The following CMSS1 variants were observed in gnomAD, a reference collection of about 807,000 sequenced individuals.
CMSS1 encodes the protein protein CMSS1.
Under a neutral mutation model 43.5 loss-of-function variants are expected in CMSS1, and 33 were observed. The observed-to-expected ratio is 0.76, with a 90% confidence interval of 0.57 to 1.01. CMSS1 has a LOEUF of 1.01. CMSS1 is among the 50% of genes least tolerant of loss of function. The pLI is 0.00. For synonymous variants in CMSS1, 115 were observed against 117.2 expected (o/e 0.98, Z 0.12); for missense variants, 313 against 326.4 (o/e 0.96, Z 0.32).
chr3:100,023,197 C>T (rs2064856871), intron 1 of CMSS1: 1 of 151,810 alleles, frequency 6.6e-6, no homozygotes, highest in Non-Finnish European at 1.5e-5. Context: ...TTGTGTGTAT[C>T]CCCAATGCAG....
At chr3:99,905,038 C>T (rs749579727) in intron 1 of CMSS1, among the ~76,000 whole-genome samples, 4 of 152,232 alleles carry the variant, frequency 2.6e-5, no homozygotes, top group Non-Finnish European at 5.9e-5. Flanking sequence ...TCCTCTGCCA[C>T]TGCTCCATGC....
chr3:100,103,312 C>T (rs928390344), intron 1 of CMSS1, among the ~76,000 whole-genome samples: 4 of 152,150 alleles, frequency 2.6e-5, no homozygotes, highest in Admixed American at 6.5e-5. Context: ...ATGCAGAACC[C>T]GAAGTCTTGA....
chr3:100,078,260 A>G (rs894852889), intron 1 of CMSS1, among the ~76,000 whole-genome samples: 3 of 152,216 alleles, frequency 2.0e-5, no homozygotes, highest in Non-Finnish European at 2.9e-5. Flanking sequence ...TTATTGAAAT[A>G]AAACACCCTC....
intron 1 of CMSS1, among the ~76,000 whole-genome samples, chr3:99,823,054 A>T (rs1942470695): frequency 6.6e-6 from 1 of 152,218 alleles, no homozygotes; most frequent in Non-Finnish European, 1.5e-5. Context: ...CATTCTCATT[A>T]TCAGTGGTAA....
intron 1 of CMSS1, chr3:99,830,173 G>C: frequency 4.0e-6 from 1 of 247,504 alleles, no homozygotes; most frequent in South Asian, 5.5e-5. Context: ...ATTATATGTC[G>C]GATGAGGAAA....
At chr3:100,091,565 A>G (rs9849092) in intron 1 of CMSS1, among the ~76,000 whole-genome samples, 140,768 of 152,306 alleles carry the variant, frequency 0.92, 65,165 homozygotes, top group African/African-American at 0.98. Context: ...TCTGTCACCA[A>G]AAGTGTAGCC....
intron 1 of CMSS1, among the ~76,000 whole-genome samples, chr3:100,120,068 G>A (rs1338064800): frequency 6.6e-6 from 1 of 152,180 alleles, no homozygotes; most frequent in East Asian, 1.9e-4. Context: ...TTTAAAAAAT[G>A]AGGAAAACAT....
chr3:99,916,992 T>C (rs1706973773), intron 1 of CMSS1, among the ~76,000 whole-genome samples: 1 of 152,224 alleles, frequency 6.6e-6, no homozygotes, highest in African/African-American at 2.4e-5. Context: ...GGCAAAAATT[T>C]CTATTTTGAT....
In CMSS1 at chr3:99,832,105, T is replaced by G. The variant is rs145744825; in HGVS notation, c.64+14062T>G. On this transcript the variant is annotated intron_variant, in intron 1 of 9. Transcript: ENST00000421999. ...GAAGGTTACTGGGCTCCTACTTGTT[T>G]CTACACCATTGATGTGCAAGCTTTT... 4.6e-3 allele frequency among the ~76,000 whole-genome samples: 695 copies of G among 152,352 alleles called. 2 individuals are homozygous for G. Among genetic ancestry groups the G allele is most frequent in the South Asian group, 7.0e-3 (34 of 4,828 alleles).
intron 1 of CMSS1, among the ~76,000 whole-genome samples, chr3:99,842,247 A>G (rs1256212598): frequency 6.6e-6 from 1 of 152,158 alleles, no homozygotes. Flanking sequence ...AAAACCAAAC[A>G]TTGTATGTTC....
chr3:99,824,416 C>A (rs912606096), intron 1 of CMSS1, among the ~76,000 whole-genome samples: 8 of 152,200 alleles, frequency 5.3e-5, no homozygotes, highest in African/African-American at 1.7e-4. Context: ...AAATTAATTA[C>A]TTTTTCCCAG....
intron 1 of CMSS1, among the ~76,000 whole-genome samples, chr3:100,117,764 C>A (rs2066583061): frequency 7.4e-6 from 1 of 135,572 alleles, no homozygotes. Context: ...TTTTTTTTAC[C>A]ATCACAATAG....
chr3:100,152,974 C>G (rs979010769), intron 2 of CMSS1, among the ~76,000 whole-genome samples: 14 of 152,178 alleles, frequency 9.2e-5, no homozygotes, highest in African/African-American at 3.4e-4. Flanking sequence ...TACACTCACT[C>G]CAGATACTTC....
intron 1 of CMSS1, among the ~76,000 whole-genome samples, chr3:99,890,415 C>A (rs1337365982): frequency 6.6e-6 from 1 of 152,054 alleles, no homozygotes; most frequent in Non-Finnish European, 1.5e-5. Context: ...CTAGAAAATT[C>A]TTAGTTTATA....
At chr3:100,019,724 A>G (rs1030843533) in intron 1 of CMSS1, among the ~76,000 whole-genome samples, 2 of 152,170 alleles carry the variant, frequency 1.3e-5, no homozygotes, top group African/African-American at 4.8e-5. Flanking sequence ...ATGTTTGTGT[A>G]AGACTGCGAT....
At chr3:100,132,774 C>G (rs1302169252) in intron 1 of CMSS1, among the ~76,000 whole-genome samples, 4 of 147,986 alleles carry the variant, frequency 2.7e-5, no homozygotes, top group African/African-American at 1.0e-4. Flanking sequence ...AGCCGAGATC[C>G]CGCCACTGCA....
In CMSS1 at chr3:100,175,170, C is replaced by T. The variant is rs530342331; in HGVS notation, c.668-1157C>T. Among the ~76,000 whole-genome samples, 125 of 152,208 alleles carry T rather than the reference C, an allele frequency of 8.2e-4. 1 individual carries two copies. The highest frequency in any genetic ancestry group is 2.2e-3 in the Admixed American group (34 of 15,278). Reference sequence around the variant, plus strand: ...ACTTTGGGTTGTTTCTAAATTGTTGCTATTATAAATAATGTGGCAATGATC... The same window carrying T: ...ACTTTGGGTTGTTTCTAAATTGTTGTTATTATAAATAATGTGGCAATGATC... On this transcript the variant is annotated intron_variant, in intron 8 of 9. Coordinates refer to ENST00000421999, the MANE Select transcript of CMSS1 (RefSeq NM_032359.4).
At chr3:100,057,648 G>T (rs1454501739) in intron 1 of CMSS1, among the ~76,000 whole-genome samples, 2 of 152,156 alleles carry the variant, frequency 1.3e-5, no homozygotes, top group Admixed American at 1.3e-4. Flanking sequence ...AATGCTTTGG[G>T]ATCAGGCCCC....
chr3:100,165,659 T>C (rs1228691553), intron 4 of CMSS1, among the ~76,000 whole-genome samples: 3 of 152,152 alleles, frequency 2.0e-5, no homozygotes, highest in Non-Finnish European at 2.9e-5. Context: ...TCCCCAGATA[T>C]GGACACCTAG....
Sources: gnomAD v4.1 joint callset for allele counts (sites outside exome capture counted in the v4.1 genomes callset) on GRCh38, gnomAD v4.1.1 for gene constraint, MANE v1.5 for transcripts, NCBI Gene and HGNC (gene_info 2026-07-23, HGNC 2026-07-21) for gene names.